MYB: variants seen among roughly 807,000 people sequenced by gnomAD.
MYB encodes the protein MYB proto-oncogene, transcription factor, also known as transcriptional activator Myb.
In MYB, 28 loss-of-function variants were observed where a neutral mutation model predicts 92.9. The ratio of observed to expected loss-of-function variants is 0.30; its 90% CI spans 0.22 to 0.41. The LOEUF (loss-of-function observed/expected upper bound fraction) is 0.41. Ranked by LOEUF, MYB falls within the 10% of genes least tolerant of loss-of-function variation. MYB has a pLI of 1.00. For synonymous variants in MYB, 295 were observed against 329.1 expected, an observed-to-expected ratio of 0.90 and a Z score of 1.12; for missense variants, 679 against 929.3, an observed-to-expected ratio of 0.73 and a Z score of 3.50.
intron 1 of MYB, among the ~76,000 whole-genome samples, chr6:135,183,457 A>T (rs1775452693): frequency 6.6e-6 from 1 of 152,174 alleles, no homozygotes; most frequent in Admixed American, 6.5e-5. Flanking sequence ...GTACTCTTGT[A>T]ACCACACCGG....
rs375429026 is a variant in MYB at position 135,195,908 on chromosome 6, C to T, written c.1109C>T (p.Ser370Leu). Residue 370 changes from serine to leucine, a missense_variant, in exon 9 of 16, where the codon TCG (serine) becomes TTG (leucine). By Grantham distance (145) the Ser-to-Leu change is moderately radical. This residue lies in a region of MYB where 20 missense variants were observed against 46.7 expected (regional missense o/e 0.43). Coordinates refer to ENST00000341911, the MANE Select transcript of MYB (RefSeq NM_001130173.2). ...GGCTCCCTACCTGAAGAAAGCGCCT[C>T]GCCAGCAAGGTGCATGATCGTCCAC... The part of the protein sequence containing the change: ...DPGSLPEESA[S>L]PARCMIVHQG... The T allele has an allele frequency of 4.3e-6, 7 of 1,614,034 alleles. No homozygotes were observed. In the African/African-American group the frequency reaches 5.3e-5, roughly 12 times the overall value.
intron 1 of MYB, among the ~76,000 whole-genome samples, chr6:135,184,322 C>CTTTTTTTTTTTTTTTTTTTTTTTTTTTTT: frequency 1.5e-5 from 1 of 68,402 alleles, no homozygotes; most frequent in African/African-American, 5.9e-5. Flanking sequence ...GGCTTTATAG[C>CTTTTTTTTTTTTTTTTTTTTTTTTTTTTT]TTTTTTTTTT....
chr6:135,207,989 A>C (rs964326634), intron 15 of MYB, among the ~76,000 whole-genome samples: 14 of 151,490 alleles, frequency 9.2e-5, no homozygotes, highest in Non-Finnish European at 1.9e-4. Context: ...GGCCTCCCAA[A>C]GTGCTGGGAT....
intron 13 of MYB, chr6:135,200,733 T>C (rs184256385): frequency 4.1e-4 from 131 of 320,166 alleles, no homozygotes; most frequent in African/African-American, 2.5e-3. Flanking sequence ...CATTTTTAGA[T>C]GTGAAGAATT....
At chr6:135,192,647 A>C (rs954443754) in intron 6 of MYB, 89 bp downstream of exon 6, 2 of 1,285,038 alleles carry the variant, frequency 1.6e-6, no homozygotes, top group African/African-American at 2.9e-5. Flanking sequence ...TATACTTTTC[A>C]GAGAACTTTC....
At chr6:135,195,110 T>G in intron 8 of MYB, 1 of 1,250,502 alleles carries the variant, frequency 8.0e-7, no homozygotes, top group Non-Finnish European at 1.0e-6. Flanking sequence ...AAATTTATTT[T>G]TTGTTAAATA....
chr6:135,204,414 T>C (rs1477777178), intron 15 of MYB, among the ~76,000 whole-genome samples: 1 of 152,134 alleles, frequency 6.6e-6, no homozygotes, highest in Admixed American at 6.5e-5. Context: ...TTCTTATGCC[T>C]CAGCCTCCCA....
At chr6:135,194,249 A>G in intron 7 of MYB, 107 bp from the exon 8 acceptor site, 1 of 798,000 alleles carries the variant, frequency 1.3e-6, no homozygotes, top group African/African-American at 1.7e-5. Flanking sequence ...TGTCACAGTG[A>G]GGCTCTTTGG....
chr6:135,203,072 G>C (rs990848980), intron 14 of MYB, 145 bp from the exon 15 acceptor site: 9 of 704,820 alleles, frequency 1.3e-5, no homozygotes, highest in South Asian at 1.1e-4. Context: ...TTAGCTCATA[G>C]TGGGGAGAAT....
At chr6:135,189,160 A>G (rs1188288113) in intron 3 of MYB, among the ~76,000 whole-genome samples, 6 of 152,154 alleles carry the variant, frequency 3.9e-5, no homozygotes, top group Admixed American at 2.6e-4. Flanking sequence ...GACTCCTCCC[A>G]AGGAAACCAT....
chr6:135,204,367 C>T (rs746264517), intron 15 of MYB, among the ~76,000 whole-genome samples: 4 of 152,160 alleles, frequency 2.6e-5, no homozygotes, highest in Admixed American at 1.3e-4. Context: ...GGGGTGATCT[C>T]GGCTCACTGC....
At chr6:135,200,562 T>C (rs774942573) in intron 13 of MYB, 147 bp downstream of exon 13, 2 of 1,162,272 alleles carry the variant, frequency 1.7e-6, no homozygotes, top group Non-Finnish European at 2.5e-6. Flanking sequence ...GAAAAGGTAC[T>C]GCCAGACTGT....
chr6:135,194,292 A>C, intron 7 of MYB, 64 bp from the exon 8 acceptor site: 1 of 1,242,428 alleles, frequency 8.0e-7, no homozygotes. Flanking sequence ...TATTGGCTAC[A>C]CCCATTGTAT....
chr6:135,207,432 C>T (rs890721287), intron 15 of MYB, among the ~76,000 whole-genome samples: 2 of 152,134 alleles, frequency 1.3e-5, no homozygotes, highest in African/African-American at 2.4e-5. Context: ...ATAGGAACTG[C>T]GCAATTCTGT....
chr6:135,186,198 A>G (rs1013940539), intron 2 of MYB, among the ~76,000 whole-genome samples, 178 bp downstream of exon 2: 1 of 151,974 alleles, frequency 6.6e-6, no homozygotes, highest in Non-Finnish European at 1.5e-5. Flanking sequence ...CCATTTCCAC[A>G]CTATTTGCAG....
chr6:135,201,767 A>T lies in MYB; in HGVS notation c.2061+18A>T. 1 of 1,381,464 alleles carries T rather than the reference A, an allele frequency of 7.2e-7. No homozygotes were observed. The highest frequency in any genetic ancestry group is 9.6e-7 in the Non-Finnish European group (1 of 1,040,560). The allele number at this position is 1,381,464 out of a possible 1,614,324, so 85.6% of individuals were successfully genotyped here. ...ATGCACCGGTAAGTACGTGTGCACC[A>T]GCCCCCAAGTTGTTATGTGACACTG... On this transcript the variant is annotated intron_variant, in intron 14 of 15. Coordinates refer to ENST00000341911, the MANE Select transcript of MYB (RefSeq NM_001130173.2).
At chr6:135,187,617 A>G (rs1329826381) in intron 2 of MYB, among the ~76,000 whole-genome samples, 1 of 152,186 alleles carries the variant, frequency 6.6e-6, no homozygotes, top group East Asian at 1.9e-4. Flanking sequence ...AAAATGGTAT[A>G]CCCGCTTTAC....
At position 135,182,185 on chromosome 6, in the gene MYB, T is replaced by C. The variant is rs534728363; in HGVS notation, c.23+649T>C. 1.2e-4 allele frequency among the ~76,000 whole-genome samples: 19 copies of C among 152,256 alleles called. No individual in the cohort carries two copies. The highest frequency in any genetic ancestry group is 4.3e-4 in the African/African-American group (18 of 41,552). ...AAGGCTTTTACTTCCACTGCAAACA[T>C]TGCACGCGCACCCACACGCGCCGCC... On this transcript the variant is annotated intron_variant, in intron 1 of 15. Coordinates refer to ENST00000341911, the MANE Select transcript of MYB (RefSeq NM_001130173.2). This position sits in a 1 kb window ranked among gnomAD's most constrained non-coding sequence, Gnocchi z 5.6.
In MYB at chr6:135,200,332, A is replaced by T. The variant is rs1777885363; in HGVS notation, c.1867A>T (p.Ile623Phe). Residue 623 changes from isoleucine to phenylalanine, a missense_variant, in exon 13 of 16, where the codon ATC becomes TTC. Transcript: ENST00000341911. The part of the protein sequence containing the change: ...SHLVEDLQDV[I>F]KQESDESGIV... ...TCTAGTAGAAGATCTGCAGGATGTG[A>T]TCAAACAGGAATCTGATGAATCTGG... 6.2e-7 allele frequency: 1 copy of T among 1,614,160 alleles called. No homozygotes were observed. Among genetic ancestry groups the T allele is most frequent in the African/African-American group, 1.3e-5 (1 of 75,046 alleles).
Sources: gnomAD v4.1 joint callset for allele counts (sites outside exome capture counted in the v4.1 genomes callset) on GRCh38, gnomAD v4.1.1 for gene constraint, gnomAD v4.1.1 regional missense constraint, Gnocchi (gnomAD v3.1) non-coding constraint, MANE v1.5 for transcripts, NCBI Gene and HGNC (gene_info 2026-07-23, HGNC 2026-07-21) for gene names.